Variants in XRN1 observed in about 807,000 individuals in gnomAD.
XRN1 encodes the protein 5'-3' exoribonuclease 1, also known as strand-exchange protein 1 homolog.
Under a neutral mutation model 222.3 loss-of-function variants are expected in XRN1, and 67 were observed. That is an observed-to-expected ratio of 0.30 (90% CI 0.25 to 0.37). The LOEUF (loss-of-function observed/expected upper bound fraction) is 0.37. Ranked by LOEUF, XRN1 falls within the 10% of genes least tolerant of loss-of-function variation. The pLI is 1.00. For missense variants in XRN1, 1,707 were observed against 2,000.2 expected (o/e 0.85, Z 2.80); for synonymous variants, 643 against 652.4 (o/e 0.99, Z 0.22).
intron 30 of XRN1, among the ~76,000 whole-genome samples, chr3:142,358,275 A>C (rs968963085): frequency 6.6e-6 from 1 of 152,132 alleles, no homozygotes; most frequent in African/African-American, 2.4e-5. Flanking sequence ...GGAAAGGCTT[A>C]AGAGACAAGT....
At chr3:142,403,302 T>C (rs16852327) in intron 18 of XRN1, among the ~76,000 whole-genome samples, 11,295 of 152,218 alleles carry the variant, frequency 0.074, 1,391 homozygotes, top group African/African-American at 0.26. Context: ...ATATATGACA[T>C]TTTTGACTGA....
chr3:142,376,132 G>T, intron 24 of XRN1, 188 bp from the exon 25 acceptor site: 1 of 1,098,948 alleles, frequency 9.1e-7, no homozygotes, highest in Non-Finnish European at 1.2e-6. Context: ...AAAACTAGAA[G>T]AAAAGCTTCA....
At chr3:142,400,307 T>G in intron 19 of XRN1, 137 bp downstream of exon 19, 1 of 617,766 alleles carries the variant, frequency 1.6e-6, no homozygotes, top group Non-Finnish European at 2.7e-6. Context: ...GTGGTGTCAT[T>G]AGACGACTTT....
rs199646873 is a variant in XRN1 at position 142,357,008 on chromosome 3, T to C, written c.3576A>G (p.Gln1192=). ...TTGAGCTATGTTGATGTACAGCTGG[T>C]TGTGGTTTTACGATGGCTGTCAACT... The part of the protein sequence containing the change: ...NQKLTAIVKP[Q]PAVHQHSSSS... The change falls in exon 31 of 41, where the codon CAA becomes CAG. Residue 1192 remains glutamine (Q), a synonymous_variant. Transcript: ENST00000392981. The C allele has an allele frequency of 1.3e-4, 208 of 1,614,044 alleles. 1 individual carries two copies. In the East Asian group the frequency reaches 3.9e-3, roughly 30 times the overall value.
Position 142,447,254 on chromosome 3 carries a change from C to T in XRN1, c.75+616G>A, listed in dbSNP as rs2070545924. 6.6e-6 allele frequency among the ~76,000 whole-genome samples: 1 copy of T among 152,174 alleles called. No individual in the cohort carries two copies. Among genetic ancestry groups the T allele is most frequent in the African/African-American group, 2.4e-5 (1 of 41,432 alleles). ...CCTCCAAATAAAAGGTCCTACGCCCCACTCCCCAGCTGGCCCAAGAGTTTT... is the reference window on the plus strand; with the variant it reads ...CCTCCAAATAAAAGGTCCTACGCCCTACTCCCCAGCTGGCCCAAGAGTTTT... On this transcript the variant is annotated intron_variant, in intron 1 of 40. Coordinates refer to ENST00000392981, the MANE Select transcript of XRN1 (RefSeq NM_001282857.2). This position sits in a 1 kb window ranked among gnomAD's most constrained non-coding sequence, Gnocchi z 4.2.
rs2067256950 is a variant in XRN1 at position 142,380,071 on chromosome 3, A to G, written c.2715+11T>C. The G allele has an allele frequency of 6.2e-7, 1 of 1,607,520 alleles. No homozygotes were observed. The highest frequency in any genetic ancestry group is 8.5e-7 in the Non-Finnish European group (1 of 1,175,654). On this transcript the variant is annotated intron_variant, in intron 23 of 40. Transcript: ENST00000392981. ...AATTCTAAATGAAACAATACAAACT[A>G]CTGTACTCACATGCTGGTTCTGTAT... is the stretch of plus-strand genomic sequence containing the variant.
rs756499018 is a variant in XRN1, at chr3:142,375,748, T to C, written c.2978+50A>G. On this transcript the variant is annotated intron_variant, in intron 25 of 40. Coordinates refer to ENST00000392981, the MANE Select transcript of XRN1 (RefSeq NM_001282857.2). Reference sequence around the variant, plus strand: ...AATATCAGGAAGGCAAAATAAACAGTATTTTCCTAAGATTTTGGAATGACT... The same window carrying C: ...AATATCAGGAAGGCAAAATAAACAGCATTTTCCTAAGATTTTGGAATGACT... 1.8e-5 allele frequency: 27 copies of C among 1,518,380 alleles called. No individual in the cohort carries two copies. The African/African-American group carries it at 2.7e-4, about 15-fold the overall frequency. 94.1% of individuals were successfully genotyped at this position (1,518,380 alleles called of 1,614,324 possible).
chr3:142,418,367 C>T lies in XRN1; in HGVS notation c.1346+137G>A, dbSNP rs2068867198. ...TAATACCATCTTCTCCAAAACCAGA[C>T]TAGTTGAAACATACACAATAATTCA... On this transcript the variant is annotated intron_variant, in intron 12 of 40. Coordinates refer to ENST00000392981, the MANE Select transcript of XRN1 (RefSeq NM_001282857.2). 16 of 602,134 alleles carry T rather than the reference C, an allele frequency of 2.7e-5. No individual in the cohort carries two copies. The South Asian group carries it at 3.7e-4, about 14-fold the overall frequency. The allele number at this position is 602,134 out of a possible 1,614,324, so 37.3% of individuals were successfully genotyped here.
intron 12 of XRN1, chr3:142,418,044 A>G (rs1300544883): frequency 6.4e-6 from 1 of 155,360 alleles, no homozygotes. Flanking sequence ...GTATGATTTC[A>G]TGTCTTGCCT....
At position 142,432,613 on chromosome 3, in the gene XRN1, T is replaced by A. The variant is rs1237787886; in HGVS notation, c.308+48A>T. ...AATCAATTATCTTTAAAATAACATA[T>A]TTTTACTAAGCTAAATAATATTCCA... On this transcript the variant is annotated intron_variant, in intron 2 of 40. Transcript: ENST00000392981. 11 of 1,435,604 alleles carry A rather than the reference T, an allele frequency of 7.7e-6. No individual in the cohort carries two copies. The Admixed American group carries it at 1.0e-4, about 13-fold the overall frequency. The allele number at this position is 1,435,604 out of a possible 1,614,324, so 88.9% of individuals were successfully genotyped here.
intron 32 of XRN1, 83 bp from the exon 33 acceptor site, chr3:142,347,425 T>C: frequency 1.2e-6 from 1 of 868,372 alleles, no homozygotes; most frequent in South Asian, 2.4e-5. Context: ...AAATACATTT[T>C]TATAAAAATT....
chr3:142,430,059 T>C lies in XRN1; in HGVS notation c.308+2602A>G, dbSNP rs548735677. Among the ~76,000 whole-genome samples the C allele has an allele frequency of 2.0e-5, 3 of 152,278 alleles. No homozygotes were observed. The South Asian group carries it at 6.2e-4, about 32-fold the overall frequency. On this transcript the variant is annotated intron_variant, in intron 2 of 40. Transcript: ENST00000392981. The stretch of plus-strand genomic sequence containing the variant: ...AGAGCCCCAAGTGACAGCTTCTTAA[T>C]TATTGGATCACAGATAAAGGAGTAA...
intron 33 of XRN1, among the ~76,000 whole-genome samples, chr3:142,346,485 C>G (rs1208465513): frequency 7.0e-6 from 1 of 143,066 alleles, no homozygotes; most frequent in Non-Finnish European, 1.5e-5. Flanking sequence ...CAATCATCCT[C>G]TTTTTTTTTT....
At chr3:142,362,141 G>GTA (rs2066657903) in intron 29 of XRN1, among the ~76,000 whole-genome samples, 1 of 150,166 alleles carries the variant, frequency 6.7e-6, no homozygotes, top group African/African-American at 2.4e-5. Context: ...GCTAATTTTT[G>GTA]TATATATATT....
Position 142,404,968 on chromosome 3 carries a change from CTG to C in XRN1, c.1820_1821del (p.Thr607ArgfsTer23), listed in dbSNP as rs1202787814. ...ECLMCWYDRD[T>X]EFIYPSPWPE... ...GGCCATGGAGAAGGATAGATAAACT[CTG>C]TGTCTCTATCATACCAGCACATTAG... On this transcript the variant is annotated frameshift_variant, in exon 16 of 41. Coordinates refer to ENST00000392981, the MANE Select transcript of XRN1 (RefSeq NM_001282857.2). LOFTEE classifies it high-confidence loss of function. 1 of 1,613,946 alleles carries C rather than the reference CTG, an allele frequency of 6.2e-7. No homozygotes were observed.
At chr3:142,440,507 C>A (rs992091570) in intron 1 of XRN1, among the ~76,000 whole-genome samples, 4 of 151,980 alleles carry the variant, frequency 2.6e-5, no homozygotes, top group African/African-American at 7.3e-5. Flanking sequence ...ATTCCACCTC[C>A]TTTCCCTACC....
intron 23 of XRN1, among the ~76,000 whole-genome samples, chr3:142,377,775 T>A (rs116536241): frequency 1.3e-5 from 2 of 152,120 alleles, no homozygotes; most frequent in African/African-American, 4.8e-5. Context: ...GAAACAACAC[T>A]GTACACTATC....
chr3:142,413,006 A>G (rs1046634757), intron 14 of XRN1, among the ~76,000 whole-genome samples: 3 of 152,200 alleles, frequency 2.0e-5, no homozygotes, highest in Non-Finnish European at 2.9e-5. Flanking sequence ...ATTTCAGTTC[A>G]TCTAAAAGGC....
intron 29 of XRN1, among the ~76,000 whole-genome samples, chr3:142,361,016 A>G (rs898938834): frequency 2.2e-4 from 34 of 152,268 alleles, no homozygotes; most frequent in Non-Finnish European, 3.4e-4. Flanking sequence ...TAAATAGGAT[A>G]ATCACTTCCA....
Sources: gnomAD v4.1 joint callset for allele counts (sites outside exome capture counted in the v4.1 genomes callset) on GRCh38, gnomAD v4.1.1 for gene constraint, Gnocchi (gnomAD v3.1) non-coding constraint, MANE v1.5 for transcripts, NCBI Gene and HGNC (gene_info 2026-07-23, HGNC 2026-07-21) for gene names.